Variants in FGF14 observed in about 807,000 individuals in gnomAD.
The protein encoded by FGF14 is fibroblast growth factor 14, also known as fibroblast growth factor homologous factor 4.
FGF14 carries 5 observed loss-of-function variants against 25.5 expected under a neutral mutation model. The ratio of observed to expected loss-of-function variants is 0.20; its 90% CI spans 0.10 to 0.41. The LOEUF is 0.41. FGF14 is among the 10% of genes least tolerant of loss of function. FGF14 has a pLI of 1.00. For synonymous variants in FGF14, 138 were observed against 118.3 expected (o/e 1.17, Z -1.08); for missense variants, 222 against 320.1 (o/e 0.69, Z 2.34).
At chr13:101,786,631 G>A (rs1438321133) in intron 3 of FGF14, among the ~76,000 whole-genome samples, 1 of 151,888 alleles carries the variant, frequency 6.6e-6, no homozygotes, top group African/African-American at 2.4e-5. Context: ...CAATCAAATT[G>A]GATTAGGGCC....
rs1016963807 is a variant in FGF14, at chr13:101,870,548, T to C, written c.305-1720A>G. On this transcript the variant is annotated intron_variant, in intron 2 of 4. Transcript: ENST00000376143. ...ATAATTTTAGAAAACAAATAGATCA[T>C]GAATTCACCAAAATGATGTGGTTAT... 4.9e-4 allele frequency among the ~76,000 whole-genome samples: 74 copies of C among 152,212 alleles called. 1 individual carries two copies. The highest frequency in any genetic ancestry group is 1.7e-3 in the African/African-American group (71 of 41,452).
intron 3 of FGF14, among the ~76,000 whole-genome samples, chr13:101,814,709 A>G (rs1400352822): frequency 1.3e-5 from 2 of 152,240 alleles, no homozygotes; most frequent in Non-Finnish European, 2.9e-5. Context: ...TTCACCCAGC[A>G]TAATGTTTTT....
At chr13:102,021,796 T>C (rs1177029365) in intron 1 of FGF14, among the ~76,000 whole-genome samples, 1 of 152,062 alleles carries the variant, frequency 6.6e-6, no homozygotes, top group Non-Finnish European at 1.5e-5. Context: ...GTGTATCTGA[T>C]ACAGGAGGCA....
chr13:102,323,634 T>C (rs1056503912), intron 1 of FGF14, among the ~76,000 whole-genome samples: 1 of 152,202 alleles, frequency 6.6e-6, no homozygotes, highest in Admixed American at 6.5e-5. Context: ...TTTGTGAATA[T>C]AGCAGTAAGA....
chr13:101,884,017 C>A lies in FGF14; in HGVS notation c.194-8721G>T, dbSNP rs1977256. Among the ~76,000 whole-genome samples, 3 of 138,656 alleles carry A rather than the reference C, an allele frequency of 2.2e-5. No homozygotes were observed. The Admixed American group carries it at 2.3e-4, about 11-fold the overall frequency. 91.0% of individuals were successfully genotyped at this position (138,656 alleles called of 152,430 possible). ...GGCGGAGGTTGCAGTGAGCCCAGATCGCACCACTGCACTCCAGCCTGGGCA... is the reference window on the plus strand; with the variant it reads ...GGCGGAGGTTGCAGTGAGCCCAGATAGCACCACTGCACTCCAGCCTGGGCA... On this transcript the variant is annotated intron_variant, in intron 1 of 4. Transcript: ENST00000376143.
chr13:101,820,793 CACACACACACACA>C lies in FGF14; in HGVS notation c.408+47919_408+47931del, dbSNP rs1408517044. Among the ~76,000 whole-genome samples the C allele has an allele frequency of 2.7e-4, 18 of 67,474 alleles. 2 individuals carry two copies. In the East Asian group the frequency reaches 3.0e-3, roughly 11 times the overall value. The allele number at this position is 67,474 out of a possible 152,430, so 44.3% of individuals were successfully genotyped here. On this transcript the variant is annotated intron_variant, in intron 3 of 4. Coordinates refer to ENST00000376143, the MANE Select transcript of FGF14 (RefSeq NM_004115.4). ...ACACCACACACCACACACACACACA[CACACACACACACA>C]ACACACACACACACACCACACACAC...
At chr13:102,394,693 A>T (rs373536213) in intron 1 of FGF14, 38 of 152,454 alleles carry the variant, frequency 2.5e-4, no homozygotes, top group African/African-American at 8.7e-4. Flanking sequence ...CCGTGAGCAG[A>T]GGGCAGCGGC....
intron 1 of FGF14, among the ~76,000 whole-genome samples, chr13:102,262,121 G>GAAAAAA (rs2052747991): frequency 6.6e-6 from 1 of 152,100 alleles, no homozygotes. Context: ...ACACTATTGG[G>GAAAAAA]AAAACCTTTT....
intron 1 of FGF14, among the ~76,000 whole-genome samples, chr13:101,968,678 A>AAAAAAAAG (rs2037388320): frequency 6.6e-6 from 1 of 151,628 alleles, no homozygotes; most frequent in African/African-American, 2.4e-5. Context: ...GTCTCCAAAA[A>AAAAAAAAG]AAAAAAAAAA....
intron 1 of FGF14, among the ~76,000 whole-genome samples, chr13:102,035,599 A>G (rs2041433200): frequency 6.6e-6 from 1 of 152,152 alleles, no homozygotes; most frequent in Non-Finnish European, 1.5e-5. Context: ...TTGCATTGCT[A>G]ACTTTTACTT....
intron 1 of FGF14, among the ~76,000 whole-genome samples, chr13:102,013,484 G>A (rs969330187): frequency 2.0e-5 from 3 of 152,150 alleles, no homozygotes; most frequent in Non-Finnish European, 2.9e-5. Context: ...AAATTTTGAG[G>A]TGCTCACAAA....
Position 101,936,030 on chromosome 13 carries a change from C to T in FGF14, c.209-60734G>A, listed in dbSNP as rs558782712. On this transcript the variant is annotated intron_variant, in intron 1 of 4. Coordinates refer to the FGF14 transcript ENST00000376131. ...GTCATAGAAAGGATCTGTCCATGGTCTTAAACATCCCATATAAACTAACAT... is the reference window on the plus strand; with the variant it reads ...GTCATAGAAAGGATCTGTCCATGGTTTTAAACATCCCATATAAACTAACAT... Among the ~76,000 whole-genome samples the T allele has an allele frequency of 3.3e-5, 5 of 152,300 alleles. No homozygotes were observed. In the East Asian group the frequency reaches 7.7e-4, roughly 24 times the overall value.
At chr13:101,923,757 T>C (rs1176312788) in intron 1 of FGF14, among the ~76,000 whole-genome samples, 1 of 152,092 alleles carries the variant, frequency 6.6e-6, no homozygotes, top group Non-Finnish European at 1.5e-5. Flanking sequence ...CAGATTTCTA[T>C]CTATTAAAAA....
At chr13:101,960,878 C>T (rs995743888) in intron 1 of FGF14, among the ~76,000 whole-genome samples, 1 of 152,122 alleles carries the variant, frequency 6.6e-6, no homozygotes, top group Non-Finnish European at 1.5e-5. Context: ...TTTTAATAAT[C>T]GTCATTCTGA....
At chr13:102,200,978 T>G (rs934292486) in intron 1 of FGF14, among the ~76,000 whole-genome samples, 3 of 151,760 alleles carry the variant, frequency 2.0e-5, no homozygotes, top group Admixed American at 2.0e-4. Flanking sequence ...GGGGGGCGCC[T>G]GTAGTCCCAG....
At chr13:101,919,321 T>A (rs1368347242), upstream of FGF14, among the ~76,000 whole-genome samples, 1 of 151,712 alleles carries the variant, frequency 6.6e-6, no homozygotes, top group East Asian at 1.9e-4. Context: ...TTGCAGTGAG[T>A]GTTTCAAAAA....
At chr13:102,012,321 G>C (rs951372498) in intron 1 of FGF14, among the ~76,000 whole-genome samples, 1 of 152,184 alleles carries the variant, frequency 6.6e-6, no homozygotes, top group East Asian at 1.9e-4. Context: ...CTGTGCTTGA[G>C]TCTGGAAAGA....
At chr13:102,398,159 C>A (rs1016477491) in intron 1 of FGF14, among the ~76,000 whole-genome samples, 4 of 152,036 alleles carry the variant, frequency 2.6e-5, no homozygotes, top group Non-Finnish European at 5.9e-5. Flanking sequence ...ATATATTGTG[C>A]AAACACATTT....
chr13:101,780,933 C>T (rs982636949), intron 3 of FGF14, among the ~76,000 whole-genome samples: 3 of 152,150 alleles, frequency 2.0e-5, no homozygotes, highest in South Asian at 2.1e-4. Flanking sequence ...AGCCCATGCA[C>T]CTGCATGGCC....
Sources: gnomAD v4.1 joint callset for allele counts (sites outside exome capture counted in the v4.1 genomes callset) on GRCh38, gnomAD v4.1.1 for gene constraint, MANE v1.5 for transcripts, NCBI Gene and HGNC (gene_info 2026-07-23, HGNC 2026-07-21) for gene names.